The following SRPRA variants were observed in gnomAD, a reference collection of about 807,000 sequenced individuals.
The protein encoded by SRPRA is signal recognition particle receptor subunit alpha.
SRPRA carries 30 observed loss-of-function variants against 61.1 expected under a neutral mutation model. That is an observed-to-expected ratio of 0.49 (90% CI 0.37 to 0.67). The LOEUF (loss-of-function observed/expected upper bound fraction) is 0.67, where lower values mean the gene tolerates loss of function less well. Ranked by LOEUF, SRPRA falls within the 30% of genes least tolerant of loss-of-function variation. The pLI is 0.00. For missense variants in SRPRA, 759 were observed against 828.4 expected (o/e 0.92, Z 1.03); for synonymous variants, 324 against 299.7 (o/e 1.08, Z -0.84).
chr11:126,264,953 C>G lies in SRPRA; in HGVS notation c.1525+6G>C, dbSNP rs2135238022. ...AATAAGCCCCCACACTTCCCATGCA[C>G]TGTACCAAAAGCAATGGCTTCCATG... On this transcript the variant is annotated splice_donor_region_variant and intron_variant, in intron 11 of 13. Transcript: ENST00000332118. This position sits in a 1 kb window ranked among gnomAD's most constrained non-coding sequence, Gnocchi z 5.0. 6.2e-7 allele frequency: 1 copy of G among 1,613,218 alleles called. No homozygotes were observed.
At chr11:126,260,260 T>TA (rs1565342498), downstream of SRPRA, 1 of 152,154 alleles carries the variant, frequency 6.6e-6, no homozygotes, top group South Asian at 2.1e-4. Flanking sequence ...CTCAGTCTCC[T>TA]AAGTGCAAGC....
In SRPRA at chr11:126,264,152, G is replaced by A. The variant is rs750993531; in HGVS notation, c.1788+39C>T. ...ATTTCCTTGCAGCCTCAGCTCCTTT[G>A]TGCAGGACGCCCATTCCAGCCTCCA... On this transcript the variant is annotated intron_variant, in intron 13 of 13. Transcript: ENST00000332118. This position sits in a 1 kb window ranked among gnomAD's most constrained non-coding sequence, Gnocchi z 5.0. 6.2e-7 allele frequency: 1 copy of A among 1,612,618 alleles called. No individual in the cohort carries two copies. The highest frequency in any genetic ancestry group is 1.1e-5 in the South Asian group (1 of 90,920).
chr11:126,262,662 G>A (rs1950726300), downstream of SRPRA: 1 of 152,846 alleles, frequency 6.5e-6, no homozygotes, highest in Non-Finnish European at 1.5e-5. Context: ...CAGGACCCTG[G>A]CTCTACTTTT....
the SRPRA span, chr11:126,240,935 T>A: frequency 6.2e-7 from 1 of 1,614,180 alleles, no homozygotes; most frequent in Non-Finnish European, 8.5e-7. Context: ...GATGCTGCCA[T>A]TGATTTTGAT....
Position 126,263,993 on chromosome 11 carries a change from C to T in SRPRA, c.1840G>A (p.Val614Met), listed in dbSNP as rs779360842. 22 of 1,614,186 alleles carry T rather than the reference C, an allele frequency of 1.4e-5. No individual in the cohort carries two copies. The highest frequency in any genetic ancestry group is 1.8e-5 in the Non-Finnish European group (21 of 1,180,036). Reference protein sequence around the residue: ...TYITSKPIVFVGTGQTYCDLR... With the variant: ...TYITSKPIVFMGTGQTYCDLR... ...TCACAGTAGGTCTGGCCGGTGCCCA[C>T]AAAGACGATGGGTTTGCTTGTGATG... The change falls in exon 14 of 14, where the codon GTG becomes ATG. Residue 614 changes from valine (V) to methionine (M), a missense_variant. Transcript: ENST00000332118.
chr11:126,240,865 G>T, the SRPRA span: 7 of 1,614,040 alleles, frequency 4.3e-6, no homozygotes, highest in Non-Finnish European at 5.9e-6. Flanking sequence ...CATTAGTGCT[G>T]CAGTTGCGCC....
chr11:126,263,752 G>C lies in SRPRA; in HGVS notation c.*164C>G, dbSNP rs951486744. ...TGATTAGGCCTTCCTTGCAGATGGC[G>C]GCTGTGCTGAACGGGGAGTGGGGTT... On this transcript the variant is annotated 3_prime_UTR_variant, in exon 14 of 14. Transcript: ENST00000332118. The C allele has an allele frequency of 1.0e-6, 1 of 971,032 alleles. No homozygotes were observed. Among genetic ancestry groups the C allele is most frequent in the African/African-American group, 1.6e-5 (1 of 61,232 alleles). 60.2% of individuals were successfully genotyped at this position (971,032 alleles called of 1,614,324 possible). A position where few individuals can be genotyped will look rare whatever the true frequency, so the allele number is the denominator to read the frequency against.
At chr11:126,240,914 AG>A in the SRPRA span, 1 of 1,614,194 alleles carries the variant, frequency 6.2e-7, no homozygotes. Flanking sequence ...GGGTTAATTC[AG>A]GCCTTACTGG....
downstream of SRPRA, chr11:126,262,329 C>T: frequency 1.9e-6 from 1 of 530,610 alleles, no homozygotes; most frequent in East Asian, 3.4e-5. Flanking sequence ...ATTCTGCCGC[C>T]TGTTCAAGTT....
chr11:126,267,612 T>C lies in SRPRA; in HGVS notation c.302A>G (p.Gln101Arg), dbSNP rs1950840491. Residue 101 changes from glutamine (Q) to arginine (R), a missense_variant, in exon 3 of 14, where the codon CAA becomes CGA. Around this residue, in one of 2 missense-constraint regions of SRPRA, gnomAD observed 475 missense variants for 462.5 expected, o/e 1.03. Coordinates refer to ENST00000332118, the MANE Select transcript of SRPRA (RefSeq NM_003139.4). The surrounding 1 kb of genome is among the most constrained non-coding windows in gnomAD (Gnocchi z 4.2). The part of the protein sequence containing the change: ...RDKYRTEIQQ[Q>R]SALSLLNGTF... ...GCCATTTAATAAACTTAAAGCACTT[T>C]GCTGTTGGATCTCTGTGCGGTACTT... is the stretch of plus-strand genomic sequence containing the variant. The C allele has an allele frequency of 1.9e-6, 3 of 1,614,166 alleles. No individual in the cohort carries two copies. The highest frequency in any genetic ancestry group is 2.5e-6 in the Non-Finnish European group (3 of 1,180,046).
At chr11:126,260,774 A>C (rs539867429), downstream of SRPRA, 2 of 152,074 alleles carry the variant, frequency 1.3e-5, no homozygotes, top group Non-Finnish European at 2.9e-5. Context: ...TCTAATGACT[A>C]TTTTCTTCCA....
At chr11:126,256,707 G>C in the SRPRA span, 1 of 1,614,194 alleles carries the variant, frequency 6.2e-7, no homozygotes, top group Non-Finnish European at 8.5e-7. The surrounding 1 kb of genome is among the most constrained non-coding windows in gnomAD (Gnocchi z 6.6). Context: ...TGCTGGTTCG[G>C]AGAGGAGACG....
At chr11:126,247,676 G>A in the SRPRA span, among the ~76,000 whole-genome samples, 1 of 151,828 alleles carries the variant, frequency 6.6e-6, no homozygotes, top group Non-Finnish European at 1.5e-5. Context: ...TAGCCAACAT[G>A]GTGAAACCCA....
rs762896536 is a variant in SRPRA at position 126,266,030 on chromosome 11, C to T, written c.984G>A (p.Val328=). 5.0e-6 allele frequency: 8 copies of T among 1,614,176 alleles called. No individual in the cohort carries two copies. Among genetic ancestry groups the T allele is most frequent in the Non-Finnish European group, 6.8e-6 (8 of 1,180,032 alleles). Residue 328 remains valine, a synonymous_variant, in exon 8 of 14, where the codon GTG becomes GTA. Coordinates refer to ENST00000332118, the MANE Select transcript of SRPRA (RefSeq NM_003139.4). ...CTTCACGACTCAAGCTCTTTGAACC[C>T]ACAAGGCCCTTCAGCATACCAAACA... is the stretch of plus-strand genomic sequence containing the variant. The part of the protein sequence containing the change: ...GGMFGMLKGL[V]GSKSLSREDM...
At chr11:126,262,638 G>A (rs923287706), downstream of SRPRA, 3 of 153,364 alleles carry the variant, frequency 2.0e-5, no homozygotes, top group African/African-American at 7.2e-5. Context: ...TTAAAAGCTT[G>A]TTCATTTACT....
chr11:126,258,520 C>T (rs1268015005), downstream of SRPRA, among the ~76,000 whole-genome samples: 1 of 152,210 alleles, frequency 6.6e-6, no homozygotes, highest in African/African-American at 2.4e-5. Context: ...ACAGCTTCTT[C>T]CATGGCTATG....
In SRPRA at chr11:126,265,065, A is replaced by C. The variant is rs199983442; in HGVS notation, c.1419T>G (p.Ser473Arg). 155 of 1,614,086 alleles carry C rather than the reference A, an allele frequency of 9.6e-5. No homozygotes were observed. Among genetic ancestry groups the C allele is most frequent in the Non-Finnish European group, 1.1e-4 (128 of 1,180,052 alleles). The change falls in exon 11 of 14, where the codon AGT (serine) becomes AGG (arginine). Residue 473 changes from serine to arginine, a missense_variant. By Grantham distance (110) the Ser-to-Arg change is moderately radical. Around this residue, in one of 2 missense-constraint regions of SRPRA, gnomAD observed 284 missense variants for 365.9 expected, o/e 0.78. Coordinates refer to ENST00000332118, the MANE Select transcript of SRPRA (RefSeq NM_003139.4). This position sits in a 1 kb window ranked among gnomAD's most constrained non-coding sequence, Gnocchi z 6.3. ...CATGCTTCTCTGGAGGGTGTAGGGCACTCAAACGCCGGGTGTGTGTACGCA... is the reference window on the plus strand; with the variant it reads ...CATGCTTCTCTGGAGGGTGTAGGGCCCTCAAACGCCGGGTGTGTGTACGCA... ...EQLRTHTRRL[S>R]ALHPPEKHGG... is the part of the protein sequence containing the mutation.
chr11:126,268,501 G>A (rs993895772), intron 1 of SRPRA, among the ~76,000 whole-genome samples, 187 bp downstream of exon 1: 1 of 152,010 alleles, frequency 6.6e-6, no homozygotes. Context: ...ACCAGAGGCG[G>A]GGGCCGTCAT....
At chr11:126,241,612 C>T in the SRPRA span, among the ~76,000 whole-genome samples, 8 of 151,822 alleles carry the variant, frequency 5.3e-5, no homozygotes, top group African/African-American at 1.2e-4. Context: ...TTCAGTGGTT[C>T]GATCTCGCCT....
Sources: gnomAD v4.1 joint callset for allele counts (sites outside exome capture counted in the v4.1 genomes callset) on GRCh38, gnomAD v4.1.1 for gene constraint, gnomAD v4.1.1 regional missense constraint, Gnocchi (gnomAD v3.1) non-coding constraint, MANE v1.5 for transcripts, NCBI Gene and HGNC (gene_info 2026-07-23, HGNC 2026-07-21) for gene names.